The following SLC4A4 variants were observed in gnomAD, a reference collection of about 807,000 sequenced individuals.
The protein encoded by SLC4A4 is solute carrier family 4 member 4, also known as electrogenic sodium bicarbonate cotransporter 1.
Under a neutral mutation model 111.5 loss-of-function variants are expected in SLC4A4, and 27 were observed. The observed-to-expected ratio is 0.24, with a 90% CI of 0.18 to 0.33. The LOEUF is 0.33. Ranked by LOEUF, SLC4A4 falls within the 10% of genes least tolerant of loss-of-function variation. The pLI is 1.00. For synonymous variants in SLC4A4, 443 were observed against 463.4 expected (o/e 0.96, Z 0.57); for missense variants, 909 against 1,315.5 (o/e 0.69, Z 4.78).
chr4:71,187,867 C>T lies in SLC4A4; in HGVS notation c.-2+466C>T, dbSNP rs145366222. 1.9e-4 allele frequency among the ~76,000 whole-genome samples: 29 copies of T among 152,276 alleles called. No individual in the cohort carries two copies. The East Asian group carries it at 4.3e-3, about 22-fold the overall frequency. ...GGGACTCTTGGTGCTACCGAGGCCG[C>T]GGCCCCCACTTCACTGCCAGCTCCA... On this transcript the variant is annotated intron_variant, in intron 1 of 25. Transcript: ENST00000264485.
In SLC4A4 at chr4:71,233,396, C is replaced by A. The variant is rs185227297; in HGVS notation, c.-1-3180C>A. The A allele has an allele frequency of 7.2e-5, 49 of 681,978 alleles. No homozygotes were observed. The East Asian group carries it at 4.3e-3, about 60-fold the overall frequency. 42.2% of individuals were successfully genotyped at this position (681,978 alleles called of 1,614,324 possible). On this transcript the variant is annotated intron_variant, in intron 1 of 25. Transcript: ENST00000264485. ...TTACATCTCTTTCCATCTTTCTCAGCCACTCGGTAGCAGTACTCTCCTTTT... is the reference window on the plus strand; with the variant it reads ...TTACATCTCTTTCCATCTTTCTCAGACACTCGGTAGCAGTACTCTCCTTTT...
chr4:71,260,433 T>G (rs1223377761), intron 3 of SLC4A4, among the ~76,000 whole-genome samples: 1 of 152,172 alleles, frequency 6.6e-6, no homozygotes. Context: ...AAAATCGATC[T>G]ATATATAGGA....
intron 2 of SLC4A4, among the ~76,000 whole-genome samples, chr4:71,246,733 T>A (rs1393343252): frequency 2.1e-5 from 2 of 97,158 alleles, no homozygotes; most frequent in Non-Finnish European, 5.6e-5. Flanking sequence ...TAATCGTTAT[T>A]ATTCTTTTGG....
intron 1 of SLC4A4, among the ~76,000 whole-genome samples, chr4:71,071,551 A>G (rs1288603552): frequency 6.6e-6 from 1 of 152,116 alleles, no homozygotes; most frequent in Middle Eastern, 3.2e-3. Context: ...AAATTAGATT[A>G]TTTTTTCATT....
At chr4:71,379,922 A>T (rs1160208709) in intron 6 of SLC4A4, among the ~76,000 whole-genome samples, 1 of 152,064 alleles carries the variant, frequency 6.6e-6, no homozygotes, top group Non-Finnish European at 1.5e-5. Context: ...TTTTGAAGAA[A>T]CTGATTTGTT....
chr4:71,367,787 C>G (rs943936139), intron 6 of SLC4A4, among the ~76,000 whole-genome samples: 3 of 152,204 alleles, frequency 2.0e-5, no homozygotes, highest in Admixed American at 1.3e-4. Flanking sequence ...TTATTTACAG[C>G]TTTTAAACAC....
chr4:71,445,386 A>G (rs1725132933), intron 8 of SLC4A4, among the ~76,000 whole-genome samples: 1 of 152,172 alleles, frequency 6.6e-6, no homozygotes, highest in African/African-American at 2.4e-5. Flanking sequence ...TTAACTCATT[A>G]TCAGTGTCAG....
chr4:71,529,058 T>C (rs187558025), intron 16 of SLC4A4, among the ~76,000 whole-genome samples: 1 of 152,192 alleles, frequency 6.6e-6, no homozygotes. Flanking sequence ...ATAGTTAATG[T>C]GGGTAATCAA....
At chr4:71,437,156 T>A (rs1334216313) in intron 7 of SLC4A4, 1 of 456,348 alleles carries the variant, frequency 2.2e-6, no homozygotes, top group Non-Finnish European at 4.3e-6. Flanking sequence ...GTCAGAGGGA[T>A]GCCAGCAATA....
chr4:71,343,398 C>T (rs531571309), intron 4 of SLC4A4, among the ~76,000 whole-genome samples: 4 of 152,218 alleles, frequency 2.6e-5, no homozygotes, highest in African/African-American at 4.8e-5. Flanking sequence ...TATAAAAGCA[C>T]GGATATAATT....
At chr4:71,287,431 G>A (rs1452241527) in intron 3 of SLC4A4, among the ~76,000 whole-genome samples, 1 of 152,220 alleles carries the variant, frequency 6.6e-6, no homozygotes, top group Non-Finnish European at 1.5e-5. Flanking sequence ...TGAAGAAGCA[G>A]TAGGATTGGC....
intron 1 of SLC4A4, among the ~76,000 whole-genome samples, chr4:71,092,007 C>T (rs1442718166): frequency 6.6e-6 from 1 of 152,126 alleles, no homozygotes; most frequent in Non-Finnish European, 1.5e-5. Flanking sequence ...AATGTAGTGG[C>T]CATCTTCAAG....
intron 3 of SLC4A4, among the ~76,000 whole-genome samples, chr4:71,292,251 C>T (rs1407337427): frequency 6.6e-6 from 1 of 152,138 alleles, no homozygotes; most frequent in African/African-American, 2.4e-5. Context: ...TTTATAATCA[C>T]ATCACAACAA....
chr4:71,300,289 G>A (rs992916757), intron 3 of SLC4A4: 6 of 214,722 alleles, frequency 2.8e-5, no homozygotes, highest in Admixed American at 1.7e-4. Context: ...CACACGGCCA[G>A]GCTAATGATG....
At chr4:71,121,428 G>T (rs529138039) in intron 2 of SLC4A4, among the ~76,000 whole-genome samples, 5 of 152,354 alleles carry the variant, frequency 3.3e-5, no homozygotes, top group Admixed American at 1.3e-4. Flanking sequence ...AAAGCCAGCT[G>T]GGCTCCTCAG....
chr4:71,349,608 T>G (rs574719398), intron 4 of SLC4A4, among the ~76,000 whole-genome samples: 2 of 152,236 alleles, frequency 1.3e-5, no homozygotes, highest in South Asian at 2.1e-4. Flanking sequence ...ATTAAAAAAT[T>G]TAGTTAAATA....
At chr4:71,178,943 C>T (rs1179864927) in intron 2 of SLC4A4, among the ~76,000 whole-genome samples, 1 of 152,090 alleles carries the variant, frequency 6.6e-6, no homozygotes, top group East Asian at 1.9e-4. Flanking sequence ...AACATCGATG[C>T]AAAAATCCTC....
chr4:71,496,318 G>C (rs545703796), intron 15 of SLC4A4, among the ~76,000 whole-genome samples: 1 of 152,000 alleles, frequency 6.6e-6, no homozygotes, highest in African/African-American at 2.4e-5. Flanking sequence ...TTTGGGGTGC[G>C]TGTGACTTTA....
intron 6 of SLC4A4, 141 bp downstream of exon 6, chr4:71,357,328 A>C: frequency 1.2e-6 from 1 of 846,998 alleles, no homozygotes; most frequent in African/African-American, 1.7e-5. Context: ...TCATATTGAC[A>C]TTTTTAATCC....
Sources: allele counts gnomAD v4.1 joint callset (sites outside exome capture counted in the v4.1 genomes callset), GRCh38; gene constraint gnomAD v4.1.1; transcripts MANE v1.5; gene names NCBI Gene and HGNC (gene_info 2026-07-23, HGNC 2026-07-21).